The following MAK16 variants were observed in gnomAD, a reference collection of about 807,000 sequenced individuals.
MAK16 encodes the protein MAK16 homolog.
Under a neutral mutation model 49.9 loss-of-function variants are expected in MAK16, and 12 were observed. The observed-to-expected ratio is 0.24, with a 90% CI of 0.15 to 0.39. MAK16 has a LOEUF of 0.39. MAK16 is among the 10% of genes least tolerant of loss of function. The pLI is 1.00. For synonymous variants in MAK16, 115 were observed against 126.4 expected, an observed-to-expected ratio of 0.91 and a Z score of 0.60; for missense variants, 292 against 363.7, an observed-to-expected ratio of 0.80 and a Z score of 1.60.
rs1300252076 is a variant in MAK16, at chr8:33,496,809, C to T, written c.639+68C>T. ...TGTATAAAACTGAGAAACAGAATAT[C>T]ATCTTCAGTCCGCTAACCAAAAATG... On this transcript the variant is annotated intron_variant, in intron 8 of 9. Coordinates refer to ENST00000360128, the MANE Select transcript of MAK16 (RefSeq NM_032509.4). The T allele has an allele frequency of 2.5e-6, 3 of 1,182,490 alleles. No homozygotes were observed. In the East Asian group the frequency reaches 7.8e-5, roughly 31 times the overall value. 73.2% of individuals were successfully genotyped at this position (1,182,490 alleles called of 1,614,324 possible).
chr8:33,495,859 G>A (rs1344587396), intron 7 of MAK16, among the ~76,000 whole-genome samples: 1 of 151,708 alleles, frequency 6.6e-6, no homozygotes, highest in Admixed American at 6.6e-5. Flanking sequence ...TGGGATTACA[G>A]GCACCACCAC....
intron 6 of MAK16, among the ~76,000 whole-genome samples, chr8:33,494,877 C>T: frequency 6.6e-6 from 1 of 151,978 alleles, no homozygotes; most frequent in South Asian, 2.1e-4. Flanking sequence ...CTCCTGGGTT[C>T]ACACCATTCT....
chr8:33,496,084 C>G (rs1808854310), intron 7 of MAK16, among the ~76,000 whole-genome samples: 1 of 152,020 alleles, frequency 6.6e-6, no homozygotes, highest in Admixed American at 6.6e-5. Flanking sequence ...ACATAAAATG[C>G]TTTGGTTACC....
intron 9 of MAK16, among the ~76,000 whole-genome samples, chr8:33,497,529 G>A (rs1185891369): frequency 6.6e-6 from 1 of 151,572 alleles, no homozygotes; most frequent in Non-Finnish European, 1.5e-5. Context: ...GTTTCGCTCT[G>A]TAGCTCAGGC....
Position 33,499,122 on chromosome 8 carries a change from C to T in MAK16, c.*493C>T, listed in dbSNP as rs1333417942. Reference sequence around the variant, plus strand: ...TTTTTCTTAAATAACTCCATTCATACAAATTGGGATGGGAAGAAAATCCTT... The same window carrying T: ...TTTTTCTTAAATAACTCCATTCATATAAATTGGGATGGGAAGAAAATCCTT... On this transcript the variant is annotated 3_prime_UTR_variant, in exon 10 of 10. Transcript: ENST00000360128. 1 of 1,445,286 alleles carries T rather than the reference C, an allele frequency of 6.9e-7. No homozygotes were observed. Among genetic ancestry groups the T allele is most frequent in the Admixed American group, 1.7e-5 (1 of 59,482 alleles). 89.5% of individuals were successfully genotyped at this position (1,445,286 alleles called of 1,614,324 possible).
intron 5 of MAK16, 109 bp from the exon 6 acceptor site, chr8:33,490,176 T>A: frequency 1.2e-6 from 1 of 838,494 alleles, no homozygotes; most frequent in Admixed American, 2.4e-5. Flanking sequence ...GCCCTGCACA[T>A]GAGTAGACTT....
In MAK16 at chr8:33,489,431, C is replaced by T; in HGVS notation, c.392+292C>T. On this transcript the variant is annotated intron_variant, in intron 5 of 9. Transcript: ENST00000360128. This position sits in a 1 kb window ranked among gnomAD's most constrained non-coding sequence, Gnocchi z 4.2. ...ACTCTGTCGCCCAGGCTGGAATTTGCAGTGGCGCGACCTCAGCTCACTGCA... is the reference window on the plus strand; with the variant it reads ...ACTCTGTCGCCCAGGCTGGAATTTGTAGTGGCGCGACCTCAGCTCACTGCA... The T allele has an allele frequency of 3.3e-6, 1 of 304,178 alleles. No individual in the cohort carries two copies. The highest frequency in any genetic ancestry group is 6.1e-6 in the Non-Finnish European group (1 of 163,644). The allele number at this position is 304,178 out of a possible 1,614,324, so 18.8% of individuals were successfully genotyped here.
rs112821832 is a variant in MAK16 at position 33,497,942 on chromosome 8, A to G, written c.706-490A>G. Among the ~76,000 whole-genome samples, 1,136 of 151,968 alleles carry G rather than the reference A, an allele frequency of 7.5e-3. 20 individuals carry two copies. The highest frequency in any genetic ancestry group is 0.026 in the African/African-American group (1,087 of 41,490). ...AAAACCCCGTGTCTACTAAAAATAC[A>G]AAAATTAGCTAGGTATGGTGGTGCA... On this transcript the variant is annotated intron_variant, in intron 9 of 9. Transcript: ENST00000360128.
intron 9 of MAK16, among the ~76,000 whole-genome samples, chr8:33,497,724 C>T (rs1808898465): frequency 6.6e-6 from 1 of 151,328 alleles, no homozygotes; most frequent in Non-Finnish European, 1.5e-5. Context: ...GAACTCCAGA[C>T]CTCTGGTAAT....
intron 7 of MAK16, 43 bp downstream of exon 7, chr8:33,495,659 TAGTA>T (rs1563347519): frequency 7.9e-6 from 10 of 1,272,562 alleles, no homozygotes; most frequent in Non-Finnish European, 1.1e-5. Context: ...TTTTAAGTGG[TAGTA>T]TGTTGCTAAG....
At chr8:33,486,587 C>T (rs374526374) in intron 1 of MAK16, among the ~76,000 whole-genome samples, 32 of 152,208 alleles carry the variant, frequency 2.1e-4, no homozygotes, top group African/African-American at 7.2e-4. Flanking sequence ...AAAGTGGCTT[C>T]GCCTAAGGTA....
chr8:33,497,406 C>T, intron 9 of MAK16, 109 bp downstream of exon 9: 1 of 742,152 alleles, frequency 1.3e-6, no homozygotes, highest in Non-Finnish European at 2.2e-6. Flanking sequence ...AATTGCAGCA[C>T]TTTGGGAGGC....
chr8:33,500,236 G>T lies in MAK16; in HGVS notation c.*1607G>T. 2.7e-6 allele frequency: 4 copies of T among 1,460,040 alleles called. No individual in the cohort carries two copies. Among genetic ancestry groups the T allele is most frequent in the East Asian group, 2.3e-5 (1 of 43,398 alleles). The allele number at this position is 1,460,040 out of a possible 1,614,324, so 90.4% of individuals were successfully genotyped here. On this transcript the variant is annotated 3_prime_UTR_variant, in exon 10 of 10. Transcript: ENST00000360128. ...ACCCTCCATGTTCATTTCCAGACTT[G>T]GTCAGGCACATACATAGTAAATTAT... is the stretch of plus-strand genomic sequence containing the variant.
At chr8:33,491,282 T>C (rs147197475) in intron 6 of MAK16, among the ~76,000 whole-genome samples, 2 of 152,344 alleles carry the variant, frequency 1.3e-5, no homozygotes, top group African/African-American at 4.8e-5. Flanking sequence ...TAATTTCCTT[T>C]TGGGTCTGTA....
chr8:33,499,161 G>C lies in MAK16; in HGVS notation c.*532G>C. The stretch of plus-strand genomic sequence containing the variant: ...AAGAAAATCCTTTCCTCTTGGGAAA[G>C]TAATACAAGTCTTAAGTTCCATTGT... On this transcript the variant is annotated 3_prime_UTR_variant, in exon 10 of 10. Transcript: ENST00000360128. 6.3e-7 allele frequency: 1 copy of C among 1,596,358 alleles called. No individual in the cohort carries two copies. The highest frequency in any genetic ancestry group is 1.7e-4 in the Middle Eastern group (1 of 6,038).
At position 33,500,618 on chromosome 8, in the gene MAK16, A is replaced by C. The variant is rs1040243897; in HGVS notation, c.*1989A>C. 1.8e-6 allele frequency: 2 copies of C among 1,142,260 alleles called. No individual in the cohort carries two copies. The highest frequency in any genetic ancestry group is 5.4e-5 in the Admixed American group (2 of 37,216). The allele number at this position is 1,142,260 out of a possible 1,614,324, so 70.8% of individuals were successfully genotyped here. A position where few individuals can be genotyped will look rare whatever the true frequency, so the allele number is the denominator to read the frequency against. On this transcript the variant is annotated 3_prime_UTR_variant, in exon 10 of 10. Transcript: ENST00000360128. ...AAGGAACTTAGGTCAAAGTTAAATG[A>C]AAAAGACCTAAAAACAGAACCAAAG...
rs200341761 is a variant in MAK16, at chr8:33,488,782, G to A, written c.224G>A (p.Arg75Gln). 40 of 1,613,976 alleles carry A rather than the reference G, an allele frequency of 2.5e-5. No individual in the cohort carries two copies. In the African/African-American group the frequency reaches 3.3e-4, roughly 13 times the overall value. The change falls in exon 4 of 10, where the codon CGG becomes CAG. Residue 75 changes from arginine (R) to glutamine (Q), a missense_variant. Coordinates refer to ENST00000360128, the MANE Select transcript of MAK16 (RefSeq NM_032509.4). ...MKVIERAAFP[R>Q]RLWERVRLSK... The stretch of plus-strand genomic sequence containing the variant: ...GTTATAGAACGAGCGGCTTTTCCTC[G>A]GCGTCTCTGGGAACGGGTAAGCCTT...
In MAK16 at chr8:33,498,886, G is replaced by A. The variant is rs1808951246; in HGVS notation, c.*257G>A. The A allele has an allele frequency of 5.2e-6, 3 of 581,452 alleles. No individual in the cohort carries two copies. The South Asian group carries it at 6.5e-5, about 13-fold the overall frequency. The allele number at this position is 581,452 out of a possible 1,614,324, so 36.0% of individuals were successfully genotyped here. A position where few individuals can be genotyped will look rare whatever the true frequency, so the allele number is the denominator to read the frequency against. On this transcript the variant is annotated 3_prime_UTR_variant, in exon 10 of 10. Coordinates refer to ENST00000360128, the MANE Select transcript of MAK16 (RefSeq NM_032509.4). Reference sequence around the variant, plus strand: ...TGTGCCCGAGAAACTTAACAGATGAGTTCTTGAATCTGGGATGAGATGACG... The same window carrying A: ...TGTGCCCGAGAAACTTAACAGATGAATTCTTGAATCTGGGATGAGATGACG...
In MAK16 at chr8:33,489,016, C is replaced by T; in HGVS notation, c.269C>T (p.Ala90Val). 1 of 1,614,130 alleles carries T rather than the reference C, an allele frequency of 6.2e-7. No homozygotes were observed. The highest frequency in any genetic ancestry group is 1.3e-5 in the African/African-American group (1 of 75,034). Residue 90 changes from alanine to valine, a missense_variant, in exon 5 of 10, where the codon GCA (alanine) becomes GTA (valine). Coordinates refer to ENST00000360128, the MANE Select transcript of MAK16 (RefSeq NM_032509.4). This position sits in a 1 kb window ranked among gnomAD's most constrained non-coding sequence, Gnocchi z 4.2. ...CGGCTTAGTAAAAACTATGAGAAAG[C>T]ACTGGAGCAAATAGATGAAAATCTG... ...RVRLSKNYEKALEQIDENLIY... is the reference protein window; with the variant it reads ...RVRLSKNYEKVLEQIDENLIY...
Sources: gnomAD v4.1 joint callset for allele counts (sites outside exome capture counted in the v4.1 genomes callset) on GRCh38, gnomAD v4.1.1 for gene constraint, Gnocchi (gnomAD v3.1) non-coding constraint, MANE v1.5 for transcripts, NCBI Gene and HGNC (gene_info 2026-07-23, HGNC 2026-07-21) for gene names.